The following RPL7L1 variants were observed in gnomAD, a reference collection of about 807,000 sequenced individuals.
RPL7L1 encodes the protein ribosomal protein uL30-like.
Under a neutral mutation model 30.3 loss-of-function variants are expected in RPL7L1, and 20 were observed. The ratio of observed to expected loss-of-function variants is 0.66; its 90% CI spans 0.46 to 0.96. The LOEUF (loss-of-function observed/expected upper bound fraction) is 0.96. Among genes scored for constraint, RPL7L1 ranks in the 40% least tolerant of loss-of-function variants. The probability of loss-of-function intolerance (pLI) is 0.00; values close to 1 mark genes in which losing one functional copy is unlikely to be tolerated. For missense variants in RPL7L1, 271 were observed against 314.9 expected (o/e 0.86, Z 1.05); for synonymous variants, 107 against 110.1 (o/e 0.97, Z 0.18).
chr6:42,881,026 C>T, intron 2 of RPL7L1, 60 bp downstream of exon 2: 1 of 906,482 alleles, frequency 1.1e-6, no homozygotes, highest in Non-Finnish European at 1.8e-6. Context: ...TTTTATCCCG[C>T]ATGTGTTGGA....
chr6:42,884,104 C>G (rs1766178800), intron 3 of RPL7L1, among the ~76,000 whole-genome samples: 1 of 152,150 alleles, frequency 6.6e-6, no homozygotes. Flanking sequence ...CCCAATCACC[C>G]AAACCAGAAA....
chr6:42,881,041 A>G, intron 2 of RPL7L1, 75 bp downstream of exon 2: 3 of 818,608 alleles, frequency 3.7e-6, no homozygotes, highest in Non-Finnish European at 4.2e-6. Flanking sequence ...GTTGGACTAC[A>G]TTTGGTATTG....
In RPL7L1 at chr6:42,887,699, C is replaced by T. The variant is rs1766324869; in HGVS notation, c.*1235C>T. 6.6e-6 allele frequency: 1 copy of T among 152,102 alleles called. No homozygotes were observed. The highest frequency in any genetic ancestry group is 2.4e-5 in the African/African-American group (1 of 41,414). The allele number at this position is 152,102 out of a possible 1,614,324, so 9.4% of individuals were successfully genotyped here. On this transcript the variant is annotated 3_prime_UTR_variant, in exon 6 of 6. Transcript: ENST00000493763. ...GGTGCTGTGTCATCTGAAATCGGCA[C>T]ATTCCATGGAGGAAGGAGTCCTGCT...
rs1766286329 is a variant in RPL7L1, at chr6:42,886,813, G to T, written c.*349G>T. 6 of 210,924 alleles carry T rather than the reference G, an allele frequency of 2.8e-5. 1 individual carries two copies. The South Asian group carries it at 4.2e-4, about 15-fold the overall frequency. 13.1% of individuals were successfully genotyped at this position (210,924 alleles called of 1,614,324 possible). On this transcript the variant is annotated 3_prime_UTR_variant, in exon 6 of 6. Transcript: ENST00000493763. The stretch of plus-strand genomic sequence containing the variant: ...GATTGAGACCATCCTGGCCAACATG[G>T]TGAAACCCTGTCTCTACTAAAAATA...
At chr6:42,882,304 T>TC (rs1459499663) in intron 2 of RPL7L1, 2 of 150,300 alleles carry the variant, frequency 1.3e-5, no homozygotes, top group African/African-American at 4.9e-5. Context: ...TTTTTTTTTT[T>TC]TAAGAGTGAG....
At position 42,879,883 on chromosome 6, in the gene RPL7L1, CTGTCTTCCCCATGTGG is replaced by C; in HGVS notation, c.-25_-10del. ...TATGGTCAAGTAAACAGAGCGTGTGCTGTCTTCCCCATGTGGTGGGGTTGCGCATGATCAGTAGCTG... is the reference window on the plus strand; with the variant it reads ...TATGGTCAAGTAAACAGAGCGTGTGCTGGGGTTGCGCATGATCAGTAGCTG... On this transcript the variant is annotated 5_prime_UTR_variant, in exon 1 of 6. It removes an upstream start codon present in the reference 5' UTR. Coordinates refer to ENST00000493763, the MANE Select transcript of RPL7L1 (RefSeq NM_001366481.3). 1 of 1,612,438 alleles carries C rather than the reference CTGTCTTCCCCATGTGG, an allele frequency of 6.2e-7. No homozygotes were observed. Among genetic ancestry groups the C allele is most frequent in the South Asian group, 1.1e-5 (1 of 91,022 alleles).
intron 2 of RPL7L1, chr6:42,882,615 G>A (rs1467791671): frequency 6.8e-6 from 1 of 147,448 alleles, no homozygotes; most frequent in East Asian, 2.0e-4. Context: ...AAAAAAATAA[G>A]TGGGGTCTTT....
In RPL7L1 at chr6:42,880,985, G is replaced by C. The variant is rs78833648; in HGVS notation, c.147+19G>C. 4,120 of 1,291,264 alleles carry C rather than the reference G, an allele frequency of 3.2e-3. 95 individuals carry two copies. In the African/African-American group the frequency reaches 0.049, roughly 15 times the overall value. 80.0% of individuals were successfully genotyped at this position (1,291,264 alleles called of 1,614,324 possible). ...GAAGGAGGTAATGGTGGGGAACCAA[G>C]AGAAAGTAATTAGAATTTTTATTTG... On this transcript the variant is annotated intron_variant, in intron 2 of 5. Transcript: ENST00000493763.
At chr6:42,881,322 G>A (rs139811222) in intron 2 of RPL7L1, 3,732 of 157,672 alleles carry the variant, frequency 0.024, 49 homozygotes, top group Non-Finnish European at 0.027. Flanking sequence ...AAAATTAGCC[G>A]GGCATGGTGG....
In RPL7L1 at chr6:42,887,281, T is replaced by A. The variant is rs748226990; in HGVS notation, c.*817T>A. 2.0e-5 allele frequency: 3 copies of A among 151,932 alleles called. No homozygotes were observed. Among genetic ancestry groups the A allele is most frequent in the Non-Finnish European group, 4.4e-5 (3 of 67,970 alleles). 9.4% of individuals were successfully genotyped at this position (151,932 alleles called of 1,614,324 possible). Reference sequence around the variant, plus strand: ...CTTTATCTTCAGAAACTGGAAAGGGTCAAAGAAAAGACAGTAGCTGGCCGG... The same window carrying A: ...CTTTATCTTCAGAAACTGGAAAGGGACAAAGAAAAGACAGTAGCTGGCCGG... On this transcript the variant is annotated 3_prime_UTR_variant, in exon 6 of 6. Transcript: ENST00000493763.
chr6:42,883,591 G>T lies in RPL7L1; in HGVS notation c.288G>T (p.Leu96Phe), dbSNP rs1581657548. Residue 96 changes from leucine to phenylalanine, a missense_variant, in exon 3 of 6, where the codon TTG becomes TTT. Leu to Phe is a conservative substitution (Grantham distance 22). Transcript: ENST00000493763. ...HALELPDKHSLAFVVRIERID... is the reference protein window; with the variant it reads ...HALELPDKHSFAFVVRIERID... The stretch of plus-strand genomic sequence containing the variant: ...TGGAATTGCCAGATAAACATTCCTT[G>T]GCCTTTGTTGTACGCATCGAAAGGT... 6.3e-7 allele frequency: 1 copy of T among 1,597,708 alleles called. No homozygotes were observed. The highest frequency in any genetic ancestry group is 2.2e-5 in the East Asian group (1 of 44,728).
intron 4 of RPL7L1, among the ~76,000 whole-genome samples, chr6:42,885,184 C>T (rs980850498): frequency 1.3e-5 from 2 of 151,730 alleles, no homozygotes; most frequent in African/African-American, 4.8e-5. Context: ...CCTGTCTCTA[C>T]TAAAATACAA....
chr6:42,884,904 A>G, intron 4 of RPL7L1, 154 bp downstream of exon 4: 2 of 711,672 alleles, frequency 2.8e-6, no homozygotes, highest in Middle Eastern at 2.4e-4. Context: ...TGTAATAACC[A>G]TGGGACACAG....
At position 42,887,843 on chromosome 6, in the gene RPL7L1, G is replaced by GT. The variant is rs1008587745; in HGVS notation, c.*1380dup. 6.7e-6 allele frequency: 1 copy of GT among 150,100 alleles called. No individual in the cohort carries two copies. Among genetic ancestry groups the GT allele is most frequent in the African/African-American group, 2.5e-5 (1 of 40,608 alleles). The allele number at this position is 150,100 out of a possible 1,614,324, so 9.3% of individuals were successfully genotyped here. On this transcript the variant is annotated 3_prime_UTR_variant, in exon 6 of 6. Transcript: ENST00000493763. Reference sequence around the variant, plus strand: ...CCAAGGACATAATTGAATCTGGAGAGTCCTGGGGCCTTGTTTTGAAAAAGA... The same window carrying GT: ...CCAAGGACATAATTGAATCTGGAGAGTTCCTGGGGCCTTGTTTTGAAAAAGA...
In RPL7L1 at chr6:42,889,438, T is replaced by C. The variant is rs1466940477; in HGVS notation, c.*2974T>C. ...CTTGGGCAACAAAAGCAAAACTCTG[T>C]CTCAAAAAAAAAAAAAAAAAAAGTG... On this transcript the variant is annotated 3_prime_UTR_variant, in exon 6 of 6. Transcript: ENST00000493763. 7.5e-6 allele frequency: 1 copy of C among 132,668 alleles called. No homozygotes were observed. Among genetic ancestry groups the C allele is most frequent in the Non-Finnish European group, 1.6e-5 (1 of 62,818 alleles). The allele number at this position is 132,668 out of a possible 1,614,324, so 8.2% of individuals were successfully genotyped here.
intron 5 of RPL7L1, 39 bp downstream of exon 5, chr6:42,886,122 C>A: frequency 7.0e-7 from 1 of 1,420,148 alleles, no homozygotes; most frequent in East Asian, 2.3e-5. Flanking sequence ...GGGCAGAAAG[C>A]CAGGGTCTTT....
chr6:42,884,623 G>A lies in RPL7L1; in HGVS notation c.322G>A (p.Val108Met), dbSNP rs779545995. The A allele has an allele frequency of 8.1e-6, 13 of 1,612,596 alleles. No individual in the cohort carries two copies. The highest frequency in any genetic ancestry group is 4.4e-5 in the South Asian group (4 of 91,006). The change falls in exon 4 of 6, where the codon GTG becomes ATG. Residue 108 changes from valine to methionine, a missense_variant. Transcript: ENST00000493763. ...FVVRIERIDG[V>M]SLLVQRTIAR... ...TGCTGTTCATTTCAGGATTGACGGC[G>A]TGAGTTTACTGGTGCAGAGAACCAT...
At chr6:42,880,815 G>C (rs1766045329) in intron 1 of RPL7L1, 46 bp from the exon 2 acceptor site, 2 of 1,139,300 alleles carry the variant, frequency 1.8e-6, no homozygotes, top group African/African-American at 3.1e-5. Context: ...GCCCGGCCAA[G>C]TGTTCTTTTC....
chr6:42,883,160 C>A (rs897556851), intron 2 of RPL7L1, among the ~76,000 whole-genome samples: 1 of 152,202 alleles, frequency 6.6e-6, no homozygotes, highest in Admixed American at 6.5e-5. Flanking sequence ...ATATTTAACA[C>A]CTGCAGGCAA....
Sources: gnomAD v4.1 joint callset for allele counts (sites outside exome capture counted in the v4.1 genomes callset) on GRCh38, gnomAD v4.1.1 for gene constraint, MANE v1.5 for transcripts, NCBI Gene and HGNC (gene_info 2026-07-23, HGNC 2026-07-21) for gene names.